Variants in ELFN1 observed in about 807,000 individuals in gnomAD.
The protein encoded by ELFN1 is protein ELFN1.
In ELFN1, 6 loss-of-function variants were observed where a neutral mutation model predicts 7.6. The ratio of observed to expected loss-of-function variants is 0.79; its 90% CI spans 0.43 to 1.56. The LOEUF is 1.56. Among genes scored for constraint, ELFN1 ranks in the 40% most tolerant of loss-of-function variants. The pLI is 0.01. For synonymous variants in ELFN1, 657 were observed against 588.1 expected, an observed-to-expected ratio of 1.12 and a Z score of -1.70; for missense variants, 1,169 against 1,232.2, an observed-to-expected ratio of 0.95 and a Z score of 0.77.
intron 1 of ELFN1, among the ~76,000 whole-genome samples, chr7:1,687,236 A>T (rs1779076501): frequency 6.6e-6 from 1 of 152,192 alleles, no homozygotes; most frequent in Non-Finnish European, 1.5e-5. Flanking sequence ...GTTAATTTCA[A>T]GGATGTGGAA....
intron 2 of ELFN1, among the ~76,000 whole-genome samples, chr7:1,700,483 C>T (rs1779404052): frequency 6.6e-6 from 1 of 152,244 alleles, no homozygotes; most frequent in Non-Finnish European, 1.5e-5. Context: ...CCTCGTTCTT[C>T]TGGTCAACAC....
intron 1 of ELFN1, among the ~76,000 whole-genome samples, chr7:1,675,677 G>A (rs917670791): frequency 3.9e-5 from 6 of 152,216 alleles, no homozygotes; most frequent in African/African-American, 9.6e-5. Context: ...CCAGACCCTC[G>A]GCCGGTGCGC....
At chr7:1,741,924 C>G (rs1280971761) in intron 3 of ELFN1, among the ~76,000 whole-genome samples, 1 of 152,098 alleles carries the variant, frequency 6.6e-6, no homozygotes, top group Non-Finnish European at 1.5e-5. Flanking sequence ...CACTCATGTA[C>G]ACAATCACCT....
chr7:1,684,357 A>G (rs1167787284), intron 1 of ELFN1, among the ~76,000 whole-genome samples: 1 of 152,090 alleles, frequency 6.6e-6, no homozygotes, highest in Non-Finnish European at 1.5e-5. Flanking sequence ...TCATTCCACC[A>G]CCTTCTTCCC....
chr7:1,676,952 G>C (rs1490529381), intron 1 of ELFN1, among the ~76,000 whole-genome samples: 1 of 152,152 alleles, frequency 6.6e-6, no homozygotes, highest in South Asian at 2.1e-4. Context: ...GGGTTTTTAA[G>C]GGCACACGAG....
chr7:1,695,747 CAAAAAAAAAAA>C lies in ELFN1; in HGVS notation c.-456+7612_-456+7622del, dbSNP rs34132549. ...TGGGTGACAGAGCGAGACTCCGTGT[CAAAAAAAAAAA>C]AAAAAAAAAAAAAACCGTGCTGGTT... On this transcript the variant is annotated intron_variant, in intron 2 of 3. Coordinates refer to ENST00000424383, the MANE Select transcript of ELFN1 (RefSeq NM_001128636.4). The surrounding 1 kb of genome is among the most constrained non-coding windows in gnomAD (Gnocchi z 5.1). Among the ~76,000 whole-genome samples the C allele has an allele frequency of 3.4e-5, 2 of 59,206 alleles. No individual in the cohort carries two copies. The highest frequency in any genetic ancestry group is 6.2e-5 in the Non-Finnish European group (2 of 32,058). The allele number at this position is 59,206 out of a possible 152,430, so 38.8% of individuals were successfully genotyped here.
rs13309100 is a variant in ELFN1 at position 1,680,471 on chromosome 7, C to G, written c.-548-7587C>G. On this transcript the variant is annotated intron_variant, in intron 1 of 3. Transcript: ENST00000424383. ...GCTGAAAGGGGCAGCGGCTGTGCTG[C>G]GCTTGTTTCCCTTGCGTGAGCTTGC... Among the ~76,000 whole-genome samples the G allele has an allele frequency of 2.6e-5, 4 of 152,156 alleles. No individual in the cohort carries two copies. In the South Asian group the frequency reaches 8.3e-4, roughly 32 times the overall value.
Position 1,695,210 on chromosome 7 carries a change from A to G in ELFN1, c.-456+7060A>G, listed in dbSNP as rs1194460424. On this transcript the variant is annotated intron_variant, in intron 2 of 3. Transcript: ENST00000424383. This position sits in a 1 kb window ranked among gnomAD's most constrained non-coding sequence, Gnocchi z 5.1. ...GTTCTGTCCATCCACCAGGAAGGCC[A>G]CCAGGACCCTGCTCCTGCCTGAGAA... Among the ~76,000 whole-genome samples the G allele has an allele frequency of 6.6e-6, 1 of 152,208 alleles. No homozygotes were observed. Among genetic ancestry groups the G allele is most frequent in the Non-Finnish European group, 1.5e-5 (1 of 68,042 alleles).
intron 1 of ELFN1, among the ~76,000 whole-genome samples, chr7:1,683,235 A>T (rs1464793541): frequency 6.6e-6 from 1 of 151,932 alleles, no homozygotes; most frequent in African/African-American, 2.4e-5. Context: ...ATTTGACAAA[A>T]CTTACCACTA....
intron 1 of ELFN1, among the ~76,000 whole-genome samples, 191 bp from the exon 2 acceptor site, chr7:1,687,857 CCTATCTGTTT>C (rs1772775766): frequency 6.6e-6 from 1 of 151,700 alleles, no homozygotes; most frequent in African/African-American, 2.4e-5. Flanking sequence ...TTTTTTGTGA[CCTATCTGTTT>C]AAAAGTCATA....
At chr7:1,727,293 G>A (rs1780224434) in intron 3 of ELFN1, among the ~76,000 whole-genome samples, 1 of 152,228 alleles carries the variant, frequency 6.6e-6, no homozygotes, top group African/African-American at 2.4e-5. Flanking sequence ...GGGGTAGCTA[G>A]AAATGATGAG....
At chr7:1,680,657 C>T (rs988059536) in intron 1 of ELFN1, among the ~76,000 whole-genome samples, 4 of 151,936 alleles carry the variant, frequency 2.6e-5, no homozygotes, top group Non-Finnish European at 1.5e-5. Flanking sequence ...AGCTATAAAA[C>T]ATTTTCATGC....
intron 1 of ELFN1, among the ~76,000 whole-genome samples, chr7:1,685,216 T>C (rs567794571): frequency 6.6e-6 from 1 of 152,342 alleles, no homozygotes; most frequent in African/African-American, 2.4e-5. Context: ...CTCTGGACAC[T>C]GTGAATCAAT....
chr7:1,730,742 A>G (rs1295571295), intron 3 of ELFN1, among the ~76,000 whole-genome samples: 1 of 152,216 alleles, frequency 6.6e-6, no homozygotes, highest in East Asian at 1.9e-4. Flanking sequence ...AGATTTTTTA[A>G]TGATTCCCAT....
intron 3 of ELFN1, among the ~76,000 whole-genome samples, chr7:1,716,493 C>CTGTG (rs1471613144): frequency 1.3e-5 from 2 of 152,220 alleles, no homozygotes; most frequent in Non-Finnish European, 2.9e-5. Flanking sequence ...GGGCGTATGT[C>CTGTG]TGTGTGTGCG....
chr7:1,708,204 C>T (rs959795149), intron 2 of ELFN1, among the ~76,000 whole-genome samples: 3 of 152,344 alleles, frequency 2.0e-5, no homozygotes, highest in Admixed American at 1.3e-4. Flanking sequence ...CCTGGCAGGA[C>T]GACTTCCCTT....
chr7:1,735,564 C>G lies in ELFN1; in HGVS notation c.-293-8740C>G, dbSNP rs1378506340. The stretch of plus-strand genomic sequence containing the variant: ...TGGCCTTGCCTGCAACCCCCGCCAG[C>G]CTCCCCTGGACAATAGGATGGGAGC... On this transcript the variant is annotated intron_variant, in intron 3 of 3. Coordinates refer to ENST00000424383, the MANE Select transcript of ELFN1 (RefSeq NM_001128636.4). The surrounding 1 kb of genome is among the most constrained non-coding windows in gnomAD (Gnocchi z 5.9). Among the ~76,000 whole-genome samples the G allele has an allele frequency of 6.6e-6, 1 of 152,082 alleles. No homozygotes were observed. The highest frequency in any genetic ancestry group is 1.5e-5 in the Non-Finnish European group (1 of 67,994).
chr7:1,735,970 A>C lies in ELFN1; in HGVS notation c.-293-8334A>C, dbSNP rs898780572. 3.2e-4 allele frequency among the ~76,000 whole-genome samples: 49 copies of C among 152,276 alleles called. No homozygotes were observed. Among genetic ancestry groups the C allele is most frequent in the African/African-American group, 1.1e-3 (46 of 41,562 alleles). On this transcript the variant is annotated intron_variant, in intron 3 of 3. Transcript: ENST00000424383. This position sits in a 1 kb window ranked among gnomAD's most constrained non-coding sequence, Gnocchi z 5.9. ...AGGTCACACAGCAGGCGCACGGCAG[A>C]GCCAACACCATCTCCTGGCCCACGA...
At chr7:1,667,974 G>GT (rs1778698002), upstream of ELFN1, among the ~76,000 whole-genome samples, 5 of 140,754 alleles carry the variant, frequency 3.6e-5, no homozygotes, top group East Asian at 7.1e-4. The surrounding 1 kb of genome is among the most constrained non-coding windows in gnomAD (Gnocchi z 8.2). Flanking sequence ...GTGGGGGGGG[G>GT]GGGCGGCCGC....
Sources: allele counts gnomAD v4.1 joint callset (sites outside exome capture counted in the v4.1 genomes callset), GRCh38; gene constraint gnomAD v4.1.1; non-coding constraint Gnocchi (gnomAD v3.1); transcripts MANE v1.5; gene names NCBI Gene and HGNC (gene_info 2026-07-23, HGNC 2026-07-21).